The following AFF3 variants were observed in gnomAD, a reference collection of about 807,000 sequenced individuals.
The protein encoded by AFF3 is ALF transcription elongation factor 3.
In AFF3, 32 loss-of-function variants were observed where a neutral mutation model predicts 129.7. That is an observed-to-expected ratio of 0.25 (90% CI 0.19 to 0.33). AFF3 has a LOEUF of 0.33. Ranked by LOEUF, AFF3 falls within the 10% of genes least tolerant of loss-of-function variation. AFF3 has a pLI of 1.00. For synonymous variants in AFF3, 644 were observed against 635.4 expected (o/e 1.01, Z -0.20); for missense variants, 1,373 against 1,592.0 (o/e 0.86, Z 2.34).
chr2:99,812,175 T>C (rs7558416), intron 8 of AFF3, among the ~76,000 whole-genome samples: 12,767 of 152,150 alleles, frequency 0.084, 1,794 homozygotes, highest in African/African-American at 0.29. Flanking sequence ...GGTTCAGACA[T>C]CCAGAGCCTG....
chr2:99,785,179 C>T (rs1049304666), intron 8 of AFF3, among the ~76,000 whole-genome samples: 1 of 152,182 alleles, frequency 6.6e-6, no homozygotes, highest in Non-Finnish European at 1.5e-5. Context: ...ATTGGCTTGT[C>T]TGTTCTTAAT....
At chr2:99,993,239 C>T (rs565702295) in intron 7 of AFF3, among the ~76,000 whole-genome samples, 222 of 152,296 alleles carry the variant, frequency 1.5e-3, no homozygotes, top group African/African-American at 4.7e-3. Context: ...TAATATGTAA[C>T]GGAGATGCTT....
At chr2:99,811,278 C>A (rs547414368) in intron 8 of AFF3, among the ~76,000 whole-genome samples, 5 of 152,310 alleles carry the variant, frequency 3.3e-5, no homozygotes, top group African/African-American at 1.2e-4. Flanking sequence ...ATATTAACAA[C>A]CAAAACCAAC....
chr2:99,899,575 T>C (rs1304942362), intron 7 of AFF3, among the ~76,000 whole-genome samples: 2 of 152,206 alleles, frequency 1.3e-5, no homozygotes, highest in Non-Finnish European at 1.5e-5. Flanking sequence ...AATGTTATCA[T>C]GAAAGAAGTA....
At chr2:100,056,069 A>ACACACG (rs1686760160) in intron 4 of AFF3, among the ~76,000 whole-genome samples, 1 of 140,494 alleles carries the variant, frequency 7.1e-6, no homozygotes, top group Non-Finnish European at 1.5e-5. Context: ...TCTCTCACAC[A>ACACACG]CACACACACA....
At chr2:99,753,419 G>T (rs912083519) in intron 8 of AFF3, among the ~76,000 whole-genome samples, 1 of 152,108 alleles carries the variant, frequency 6.6e-6, no homozygotes, top group African/African-American at 2.4e-5. Flanking sequence ...TTCTTGATTT[G>T]CCTGCACTTC....
intron 8 of AFF3, among the ~76,000 whole-genome samples, chr2:99,794,579 A>G (rs1225326308): frequency 6.6e-6 from 1 of 152,094 alleles, no homozygotes; most frequent in Non-Finnish European, 1.5e-5. Context: ...GCATGCAAGG[A>G]TTAGTATTCA....
chr2:100,081,860 T>C (rs1478449574), intron 4 of AFF3, among the ~76,000 whole-genome samples: 5 of 152,140 alleles, frequency 3.3e-5, no homozygotes, highest in Non-Finnish European at 7.4e-5. Flanking sequence ...CAGATTCCAG[T>C]GAGTGGCATG....
Position 100,076,082 on chromosome 2 carries a change from C to T in AFF3, c.53+28320G>A, listed in dbSNP as rs929345573. On this transcript the variant is annotated intron_variant, in intron 4 of 24. Transcript: ENST00000672756. ...TGCAGACATGTAAATGTCTCAGGAA[C>T]CAAGTGAGTTTCCTCTGATGACATG... Among the ~76,000 whole-genome samples the T allele has an allele frequency of 3.3e-5, 5 of 152,238 alleles. No homozygotes were observed. In the South Asian group the frequency reaches 1.0e-3, roughly 32 times the overall value.
At chr2:100,138,349 C>CCACA (rs2105610393) in intron 1 of AFF3, among the ~76,000 whole-genome samples, 1 of 152,332 alleles carries the variant, frequency 6.6e-6, no homozygotes, top group African/African-American at 2.4e-5. Flanking sequence ...TCATATCTGT[C>CCACA]ACTGTGGCAG....
intron 11 of AFF3, among the ~76,000 whole-genome samples, chr2:99,708,125 GTATTGCATGGGACATACA>G (rs1405985497): frequency 6.6e-6 from 1 of 152,018 alleles, no homozygotes; most frequent in East Asian, 1.9e-4. Flanking sequence ...TTATTTTCAA[GTATTGCATGGGACATACA>G]TATTGTAAAA....
chr2:99,783,060 G>A (rs1040392380), intron 8 of AFF3, among the ~76,000 whole-genome samples: 2 of 152,106 alleles, frequency 1.3e-5, no homozygotes, highest in East Asian at 1.9e-4. Context: ...TCTTTTCTTC[G>A]CATATCTTTG....
intron 7 of AFF3, among the ~76,000 whole-genome samples, chr2:99,877,759 A>G (rs17436705): frequency 0.041 from 6,233 of 152,320 alleles, 139 homozygotes; most frequent in African/African-American, 0.058. Context: ...CTAAATAGAG[A>G]CTAGACACTA....
At chr2:99,996,193 C>A (rs1428935698) in intron 7 of AFF3, among the ~76,000 whole-genome samples, 1 of 151,982 alleles carries the variant, frequency 6.6e-6, no homozygotes, top group African/African-American at 2.4e-5. Flanking sequence ...TTGAATGTTA[C>A]CAAAAACTGT....
At chr2:99,711,270 T>G (rs1179801530) in intron 11 of AFF3, among the ~76,000 whole-genome samples, 1 of 152,192 alleles carries the variant, frequency 6.6e-6, no homozygotes, top group African/African-American at 2.4e-5. Flanking sequence ...GAATCTTGGC[T>G]CTGCGGCTCA....
chr2:99,830,646 G>A (rs1238435083), intron 8 of AFF3, among the ~76,000 whole-genome samples: 4 of 152,194 alleles, frequency 2.6e-5, no homozygotes, highest in African/African-American at 9.7e-5. Flanking sequence ...AGCTACTCGG[G>A]AGGCTGAGGC....
intron 4 of AFF3, among the ~76,000 whole-genome samples, chr2:100,086,997 T>C (rs1689494307): frequency 1.3e-5 from 2 of 152,254 alleles, no homozygotes; most frequent in Admixed American, 6.5e-5. Context: ...AGCTCAACCC[T>C]AGGGCCTTAC....
intron 7 of AFF3, among the ~76,000 whole-genome samples, chr2:99,883,279 AAAAG>A (rs1384136513): frequency 1.3e-5 from 2 of 152,202 alleles, no homozygotes; most frequent in African/African-American, 4.8e-5. Flanking sequence ...TTTCAAGTAT[AAAAG>A]AAATAAGCTA....
chr2:99,861,822 C>T (rs1237642034), intron 7 of AFF3, among the ~76,000 whole-genome samples: 1 of 152,152 alleles, frequency 6.6e-6, no homozygotes, highest in Non-Finnish European at 1.5e-5. Flanking sequence ...CCTTCACCAT[C>T]CTAATTGGTG....
Sources: allele counts gnomAD v4.1 joint callset (sites outside exome capture counted in the v4.1 genomes callset), GRCh38; gene constraint gnomAD v4.1.1; transcripts MANE v1.5; gene names NCBI Gene and HGNC (gene_info 2026-07-23, HGNC 2026-07-21).